The following CD58 variants were observed in gnomAD, a reference collection of about 807,000 sequenced individuals.
The protein encoded by CD58 is CD58 molecule, also known as lymphocyte function-associated antigen 3.
In CD58, 14 loss-of-function variants were observed where a neutral mutation model predicts 27.6. The ratio of observed to expected loss-of-function variants is 0.51; its 90% CI spans 0.34 to 0.79. The LOEUF is 0.79. Among genes scored for constraint, CD58 ranks in the 30% least tolerant of loss-of-function variants. The pLI, the probability that CD58 is intolerant of heterozygous loss-of-function variation, is 0.02. For synonymous variants in CD58, 117 were observed against 103.8 expected (o/e 1.13, Z -0.77); for missense variants, 268 against 301.7 (o/e 0.89, Z 0.83).
chr1:116,565,047 C>A (rs1164842799), intron 1 of CD58, among the ~76,000 whole-genome samples: 2 of 152,198 alleles, frequency 1.3e-5, no homozygotes, highest in Non-Finnish European at 2.9e-5. Context: ...TATCTCCCAC[C>A]CCCAGTGATT....
At chr1:116,540,604 T>C (rs1326020158) in intron 2 of CD58, among the ~76,000 whole-genome samples, 1 of 152,052 alleles carries the variant, frequency 6.6e-6, no homozygotes, top group Non-Finnish European at 1.5e-5. Flanking sequence ...ACACAATGGC[T>C]CCCCACTGCT....
chr1:116,537,920 T>C (rs1657869919), intron 2 of CD58, among the ~76,000 whole-genome samples: 1 of 152,224 alleles, frequency 6.6e-6, no homozygotes, highest in Admixed American at 6.5e-5. Context: ...ACCAAGATAA[T>C]GGAATACTAT....
intron 1 of CD58, among the ~76,000 whole-genome samples, chr1:116,548,160 T>C (rs973635567): frequency 6.6e-6 from 1 of 152,252 alleles, no homozygotes; most frequent in African/African-American, 2.4e-5. Context: ...TTTGCTTTTT[T>C]CTTGCTGATT....
chr1:116,530,044 A>C (rs1657546594), intron 3 of CD58, among the ~76,000 whole-genome samples: 2 of 152,232 alleles, frequency 1.3e-5, no homozygotes, highest in Non-Finnish European at 2.9e-5. Flanking sequence ...ATATGAATAA[A>C]TCAAAGAAAA....
rs747413714 is a variant in CD58, at chr1:116,559,551, T to C, written c.70+11352A>G. Among the ~76,000 whole-genome samples the C allele has an allele frequency of 2.6e-5, 4 of 152,048 alleles. No individual in the cohort carries two copies. The highest frequency in any genetic ancestry group is 5.9e-5 in the Non-Finnish European group (4 of 68,016). ...TTCTCTTATTTCCTTAAGACAGAGATTTACTGATTTCAGCCACACCACCAC... is the reference window on the plus strand; with the variant it reads ...TTCTCTTATTTCCTTAAGACAGAGACTTACTGATTTCAGCCACACCACCAC... On this transcript the variant is annotated intron_variant, in intron 1 of 5. Coordinates refer to ENST00000369489, the MANE Select transcript of CD58 (RefSeq NM_001779.3). This position sits in a 1 kb window ranked among gnomAD's most constrained non-coding sequence, Gnocchi z 4.4.
Position 116,541,070 on chromosome 1 carries a change from A to G in CD58, c.364+3241T>C, listed in dbSNP as rs946461219. Among the ~76,000 whole-genome samples, 8 of 152,186 alleles carry G rather than the reference A, an allele frequency of 5.3e-5. No homozygotes were observed. The highest frequency in any genetic ancestry group is 1.9e-4 in the African/African-American group (8 of 41,440). On this transcript the variant is annotated intron_variant, in intron 2 of 5. Transcript: ENST00000369489. This position sits in a 1 kb window ranked among gnomAD's most constrained non-coding sequence, Gnocchi z 5.3. ...GCAACCCTCCCTCCTCAGCCTCACA[A>G]AGTGCTGGGATTATAGCCTTGAGCC...
chr1:116,522,281 T>C lies in CD58; in HGVS notation c.629-298A>G, dbSNP rs1415694396. 1.3e-5 allele frequency among the ~76,000 whole-genome samples: 2 copies of C among 152,232 alleles called. No individual in the cohort carries two copies. The highest frequency in any genetic ancestry group is 2.4e-5 in the African/African-American group (1 of 41,460). On this transcript the variant is annotated intron_variant, in intron 3 of 5. Coordinates refer to ENST00000369489, the MANE Select transcript of CD58 (RefSeq NM_001779.3). The surrounding 1 kb of genome is among the most constrained non-coding windows in gnomAD (Gnocchi z 4.6). ...TATTTAGTGCCATGATTTTGCATTT[T>C]TGTGCTTTTTTGTTGGTGATTTCAC...
Position 116,519,040 on chromosome 1 carries a change from G to T in CD58, c.743+191C>A. On this transcript the variant is annotated intron_variant, in intron 5 of 5. Coordinates refer to ENST00000369489, the MANE Select transcript of CD58 (RefSeq NM_001779.3). The surrounding 1 kb of genome is among the most constrained non-coding windows in gnomAD (Gnocchi z 4.7). ...AGGGTTCCAGGAAACGATATGCAGAGAGTGGCTAGTGCAGTGCATGGCACA... is the reference window on the plus strand; with the variant it reads ...AGGGTTCCAGGAAACGATATGCAGATAGTGGCTAGTGCAGTGCATGGCACA... 1.6e-6 allele frequency: 2 copies of T among 1,257,298 alleles called. No individual in the cohort carries two copies. The highest frequency in any genetic ancestry group is 2.1e-6 in the Non-Finnish European group (2 of 938,386). The allele number at this position is 1,257,298 out of a possible 1,614,324, so 77.9% of individuals were successfully genotyped here. A position where few individuals can be genotyped will look rare whatever the true frequency, so the allele number is the denominator to read the frequency against.
intron 2 of CD58, among the ~76,000 whole-genome samples, chr1:116,539,480 T>A (rs1455461108): frequency 1.3e-5 from 2 of 151,654 alleles, no homozygotes; most frequent in East Asian, 1.9e-4. Context: ...AAACAGAATA[T>A]GACTGAGTGC....
chr1:116,526,717 A>T (rs905704120), intron 3 of CD58, among the ~76,000 whole-genome samples: 32 of 152,180 alleles, frequency 2.1e-4, no homozygotes, highest in African/African-American at 7.5e-4. Flanking sequence ...GCTGATATCC[A>T]CAAATGACTT....
intron 3 of CD58, 120 bp downstream of exon 3, chr1:116,535,840 CAAAAA>C (rs35445069): frequency 4.4e-3 from 672 of 152,168 alleles, no homozygotes; most frequent in East Asian, 8.2e-3. Context: ...GACTCTGTCT[CAAAAA>C]AAAAAAAAAA....
At position 116,532,784 on chromosome 1, in the gene CD58, A is replaced by G. The variant is rs1157581602; in HGVS notation, c.628+3181T>C. Among the ~76,000 whole-genome samples the G allele has an allele frequency of 6.6e-6, 1 of 152,270 alleles. No individual in the cohort carries two copies. ...ACATTAAGCAAAATAATAAGGAAAAAGGAAAAGTGAAAGTGAAAATCATGC... is the reference window on the plus strand; with the variant it reads ...ACATTAAGCAAAATAATAAGGAAAAGGGAAAAGTGAAAGTGAAAATCATGC... On this transcript the variant is annotated intron_variant, in intron 3 of 5. Coordinates refer to ENST00000369489, the MANE Select transcript of CD58 (RefSeq NM_001779.3). The surrounding 1 kb of genome is among the most constrained non-coding windows in gnomAD (Gnocchi z 5.1).
rs1271497429 is a variant in CD58 at position 116,536,719 on chromosome 1, C to T, written c.365-491G>A. ...ATGTGGAACTGTGAGTCAATTAAAC[C>T]TCTTTTCTTTATAAATTACCCAGTT... On this transcript the variant is annotated intron_variant, in intron 2 of 5. Coordinates refer to ENST00000369489, the MANE Select transcript of CD58 (RefSeq NM_001779.3). The surrounding 1 kb of genome is among the most constrained non-coding windows in gnomAD (Gnocchi z 5.4). 6.6e-6 allele frequency among the ~76,000 whole-genome samples: 1 copy of T among 152,172 alleles called. No homozygotes were observed. The highest frequency in any genetic ancestry group is 1.5e-5 in the Non-Finnish European group (1 of 68,030).
Position 116,563,412 on chromosome 1 carries a change from C to A in CD58, c.70+7491G>T, listed in dbSNP as rs1658823089. On this transcript the variant is annotated intron_variant, in intron 1 of 5. Transcript: ENST00000369489. The surrounding 1 kb of genome is among the most constrained non-coding windows in gnomAD (Gnocchi z 4.1). ...GGATGATGGCCCTCTTCTCACAGCT[C>A]CACTAGGCGGTGCCCCAGTGGGGAC... Among the ~76,000 whole-genome samples the A allele has an allele frequency of 6.6e-6, 1 of 152,156 alleles. No individual in the cohort carries two copies. The highest frequency in any genetic ancestry group is 1.5e-5 in the Non-Finnish European group (1 of 68,036).
In CD58 at chr1:116,570,051, C is replaced by T. The variant is rs1183020118; in HGVS notation, c.70+852G>A. Among the ~76,000 whole-genome samples the T allele has an allele frequency of 6.6e-6, 1 of 152,222 alleles. No homozygotes were observed. Among genetic ancestry groups the T allele is most frequent in the Non-Finnish European group, 1.5e-5 (1 of 68,044 alleles). ...GCAAACGGACGGACGGGCTGGAGGG[C>T]TGGCAGTGGGGTGCAGGAGCCAGCC... On this transcript the variant is annotated intron_variant, in intron 1 of 5. Transcript: ENST00000369489. The surrounding 1 kb of genome is among the most constrained non-coding windows in gnomAD (Gnocchi z 6.4).
Position 116,532,820 on chromosome 1 carries a change from G to C in CD58, c.628+3145C>G, listed in dbSNP as rs1657660608. 1.8e-6 allele frequency: 1 copy of C among 552,656 alleles called. No individual in the cohort carries two copies. The highest frequency in any genetic ancestry group is 2.9e-4 in the Middle Eastern group (1 of 3,490). The allele number at this position is 552,656 out of a possible 1,614,324, so 34.2% of individuals were successfully genotyped here. ...AAGTGAAAATCATGCACTTGAAAAC[G>C]ATTAGATGGAGTAAGCGCTGTCGAC... On this transcript the variant is annotated intron_variant, in intron 3 of 5. Coordinates refer to ENST00000369489, the MANE Select transcript of CD58 (RefSeq NM_001779.3). This position sits in a 1 kb window ranked among gnomAD's most constrained non-coding sequence, Gnocchi z 5.1.
intron 3 of CD58, chr1:116,533,948 G>C (rs956349771): frequency 2.9e-5 from 42 of 1,425,120 alleles, no homozygotes; most frequent in Middle Eastern, 3.6e-4. Context: ...GGGGTGTGAG[G>C]GGCATTGTCA....
In CD58 at chr1:116,515,069, C is replaced by G. The variant is rs879856161; in HGVS notation, c.744-247G>C. Among the ~76,000 whole-genome samples the G allele has an allele frequency of 6.6e-6, 1 of 152,206 alleles. No individual in the cohort carries two copies. The highest frequency in any genetic ancestry group is 2.4e-5 in the African/African-American group (1 of 41,444). ...TCAATAGCAGCCCCAAGGCTCCTCCCGCTTACTCTCTGAGTATAACTGAAA... is the reference window on the plus strand; with the variant it reads ...TCAATAGCAGCCCCAAGGCTCCTCCGGCTTACTCTCTGAGTATAACTGAAA... On this transcript the variant is annotated intron_variant, in intron 5 of 5. Coordinates refer to ENST00000369489, the MANE Select transcript of CD58 (RefSeq NM_001779.3). The surrounding 1 kb of genome is among the most constrained non-coding windows in gnomAD (Gnocchi z 4.6).
At position 116,534,339 on chromosome 1, in the gene CD58, C is replaced by G. The variant is rs1657717182; in HGVS notation, c.628+1626G>C. Among the ~76,000 whole-genome samples the G allele has an allele frequency of 6.6e-6, 1 of 152,216 alleles. No homozygotes were observed. The highest frequency in any genetic ancestry group is 2.4e-5 in the African/African-American group (1 of 41,452). ...GATGCTCACGATGACCATCGCCCTACGGAAAAACTCAAATTCCTAAACATC... is the reference window on the plus strand; with the variant it reads ...GATGCTCACGATGACCATCGCCCTAGGGAAAAACTCAAATTCCTAAACATC... On this transcript the variant is annotated intron_variant, in intron 3 of 5. Transcript: ENST00000369489. This position sits in a 1 kb window ranked among gnomAD's most constrained non-coding sequence, Gnocchi z 5.3.
Sources: gnomAD v4.1 joint callset for allele counts (sites outside exome capture counted in the v4.1 genomes callset) on GRCh38, gnomAD v4.1.1 for gene constraint, Gnocchi (gnomAD v3.1) non-coding constraint, MANE v1.5 for transcripts, NCBI Gene and HGNC (gene_info 2026-07-23, HGNC 2026-07-21) for gene names.